Variants in UGT1A7 observed in about 807,000 individuals in gnomAD.
UGT1A7 encodes UDP glucuronosyltransferase family 1 member A7, also known as UDP-glucuronosyltransferase 1A7.
A neutral mutation model predicts 45.6 loss-of-function variants in UGT1A7; 33 were observed. The ratio of observed to expected loss-of-function variants is 0.72; its 90% CI spans 0.55 to 0.97. The LOEUF (loss-of-function observed/expected upper bound fraction) is 0.97, where lower values mean the gene tolerates loss of function less well. UGT1A7 is among the 50% of genes least tolerant of loss of function. The pLI is 0.00. For synonymous variants in UGT1A7, 274 were observed against 250.6 expected (o/e 1.09, Z -0.88); for missense variants, 684 against 666.2 (o/e 1.03, Z -0.29).
At chr2:233,688,613 C>T (rs1301364252) in intron 1 of UGT1A7, among the ~76,000 whole-genome samples, 2 of 152,146 alleles carry the variant, frequency 1.3e-5, no homozygotes, top group African/African-American at 4.8e-5. Context: ...ACACCCTCAG[C>T]AAACATGAGT....
At chr2:233,755,297 A>G in intron 1 of UGT1A7, 2 of 623,206 alleles carry the variant, frequency 3.2e-6, no homozygotes, top group East Asian at 6.1e-5. Context: ...CCTGCGGGGC[A>G]CTGGCACAGC....
Position 233,693,787 on chromosome 2 carries a change from T to G in UGT1A7, c.855+10995T>G, listed in dbSNP as rs202244084. The G allele has an allele frequency of 5.0e-6, 8 of 1,614,234 alleles. No individual in the cohort carries two copies. In the East Asian group the frequency reaches 1.8e-4, roughly 36 times the overall value. ...GGCTGTTAAGATATGACTTTGTGCT[T>G]GAATATCCTAGGCCGGTCATGCCCA... On this transcript the variant is annotated intron_variant, in intron 1 of 4. Coordinates refer to ENST00000373426, the MANE Select transcript of UGT1A7 (RefSeq NM_019077.3).
chr2:233,730,885 G>C (rs948643464), intron 1 of UGT1A7, among the ~76,000 whole-genome samples: 12 of 152,158 alleles, frequency 7.9e-5, no homozygotes, highest in South Asian at 2.1e-4. Flanking sequence ...TTTCTATAGT[G>C]GGATCTACTC....
rs1215128625 is a variant in UGT1A7, at chr2:233,769,761, G to A, written c.1295+1322G>A. ...TCCCAGCCACTCTGGAGGCTAAGGC[G>A]GGAGGATTGCTTGAGCCCAGAAGTT... is the stretch of plus-strand genomic sequence containing the variant. On this transcript the variant is annotated intron_variant, in intron 4 of 4. Transcript: ENST00000373426. This position sits in a 1 kb window ranked among gnomAD's most constrained non-coding sequence, Gnocchi z 4.4. The A allele has an allele frequency of 1.3e-5, 18 of 1,414,110 alleles. No homozygotes were observed. In the South Asian group the frequency reaches 1.6e-4, roughly 12 times the overall value. The allele number at this position is 1,414,110 out of a possible 1,614,324, so 87.6% of individuals were successfully genotyped here. A position where few individuals can be genotyped will look rare whatever the true frequency, so the allele number is the denominator to read the frequency against.
Position 233,767,897 on chromosome 2 carries a change from A to G in UGT1A7, c.1036A>G (p.Thr346Ala). Residue 346 changes from threonine to alanine, a missense_variant, in exon 3 of 5, where the codon ACG becomes GCG. Thr to Ala is a moderately conservative substitution (Grantham distance 58). Transcript: ENST00000373426. ...CCGACCATCGAATCTTGCGAACAAC[A>G]CGATACTTGTTAAGTGGCTACCCCA... is the stretch of plus-strand genomic sequence containing the variant. The part of the protein sequence containing the change: ...GTRPSNLANN[T>A]ILVKWLPQND... The G allele has an allele frequency of 1.9e-6, 3 of 1,614,178 alleles. No homozygotes were observed. Among genetic ancestry groups the G allele is most frequent in the Non-Finnish European group, 1.7e-6 (2 of 1,180,044 alleles).
chr2:233,762,345 C>A (rs964115716), intron 1 of UGT1A7, among the ~76,000 whole-genome samples: 1 of 152,164 alleles, frequency 6.6e-6, no homozygotes, highest in Non-Finnish European at 1.5e-5. Flanking sequence ...CTTTTTAGTT[C>A]TTTGTACTCC....
chr2:233,704,177 C>T lies in UGT1A7; in HGVS notation c.855+21385C>T, dbSNP rs568272633. Among the ~76,000 whole-genome samples the T allele has an allele frequency of 4.6e-5, 7 of 151,930 alleles. No homozygotes were observed. In the South Asian group the frequency reaches 1.0e-3, roughly 23 times the overall value. ...AAGTACTGGGATTACAGGTGTGAGC[C>T]ACTGTGCCTGGCCCCATTTTACTTT... On this transcript the variant is annotated intron_variant, in intron 1 of 4. Transcript: ENST00000373426.
rs202172337 is a variant in UGT1A7, at chr2:233,772,279, T to A, written c.1313T>A (p.Met438Lys). Residue 438 changes from methionine to lysine, a missense_variant, in exon 5 of 5, where the codon ATG (methionine) becomes AAG (lysine). Coordinates refer to ENST00000373426, the MANE Select transcript of UGT1A7 (RefSeq NM_019077.3). ...INDKSYKENIMRLSSLHKDRP... is the reference protein window; with the variant it reads ...INDKSYKENIKRLSSLHKDRP... ...GTGTTTAGTTACAAGGAGAACATCA[T>A]GCGCCTCTCCAGCCTTCACAAGGAC... 1.9e-6 allele frequency: 3 copies of A among 1,614,146 alleles called. No individual in the cohort carries two copies. Among genetic ancestry groups the A allele is most frequent in the African/African-American group, 2.7e-5 (2 of 74,942 alleles).
chr2:233,705,569 G>T (rs1056646360), intron 1 of UGT1A7, among the ~76,000 whole-genome samples: 5 of 152,160 alleles, frequency 3.3e-5, no homozygotes, highest in African/African-American at 1.2e-4. Flanking sequence ...TGTGGCAAGG[G>T]ATAGAAATGG....
chr2:233,698,288 A>C (rs936526047), intron 1 of UGT1A7, among the ~76,000 whole-genome samples: 8 of 152,256 alleles, frequency 5.3e-5, no homozygotes, highest in African/African-American at 1.9e-4. Context: ...CTATGAAAAA[A>C]AATGTGTCTT....
chr2:233,764,256 T>A (rs367961142), intron 1 of UGT1A7, among the ~76,000 whole-genome samples: 39 of 152,260 alleles, frequency 2.6e-4, no homozygotes, highest in African/African-American at 9.4e-4. Context: ...TCAGTTAATA[T>A]GTTGCTTCAC....
intron 1 of UGT1A7, among the ~76,000 whole-genome samples, chr2:233,715,228 A>G (rs554493874): frequency 2.6e-5 from 4 of 152,214 alleles, no homozygotes; most frequent in East Asian, 1.9e-4. Context: ...AATCTGCCCA[A>G]TTCTGTGAAG....
intron 1 of UGT1A7, among the ~76,000 whole-genome samples, chr2:233,711,615 C>A (rs548104109): frequency 1.3e-5 from 2 of 152,312 alleles, no homozygotes; most frequent in Admixed American, 6.5e-5. Context: ...CTCTGGTGGA[C>A]AGCTCCATTC....
chr2:233,761,187 T>C, intron 1 of UGT1A7: 1 of 1,614,214 alleles, frequency 6.2e-7, no homozygotes, highest in Non-Finnish European at 8.5e-7. Context: ...ATGCGTATAT[T>C]CTTTCAGATG....
intron 1 of UGT1A7, chr2:233,692,790 G>A (rs1279360815): frequency 1.5e-6 from 2 of 1,368,172 alleles, no homozygotes; most frequent in Non-Finnish European, 1.9e-6. Context: ...TCAGGTGAAA[G>A]CTGACACGGC....
At chr2:233,705,546 T>C (rs1018965225) in intron 1 of UGT1A7, among the ~76,000 whole-genome samples, 10 of 152,198 alleles carry the variant, frequency 6.6e-5, no homozygotes, top group African/African-American at 2.4e-4. Context: ...GAAGAGCAGC[T>C]GGTGATATTG....
intron 1 of UGT1A7, chr2:233,750,587 G>A (rs1381403597): frequency 6.6e-6 from 1 of 151,948 alleles, no homozygotes; most frequent in East Asian, 1.9e-4. Flanking sequence ...AGGCCTGGAG[G>A]CCTAGGAAGG....
intron 1 of UGT1A7, among the ~76,000 whole-genome samples, chr2:233,687,614 A>T (rs1192201082): frequency 1.3e-5 from 2 of 151,552 alleles, no homozygotes; most frequent in Admixed American, 6.6e-5. Flanking sequence ...AAAAGGAAAG[A>T]AAAAAAGGCT....
Position 233,681,907 on chromosome 2 carries a change from C to G in UGT1A7, c.-31C>G. On this transcript the variant is annotated 5_prime_UTR_variant, in exon 1 of 5. Coordinates refer to ENST00000373426, the MANE Select transcript of UGT1A7 (RefSeq NM_019077.3). The stretch of plus-strand genomic sequence containing the variant: ...TACTATATTATAGGAGCTTAGAATC[C>G]CAGCTGCTGGCTCTGGGCTGAAGTT... 2 of 1,596,872 alleles carry G rather than the reference C, an allele frequency of 1.3e-6. No individual in the cohort carries two copies. Among genetic ancestry groups the G allele is most frequent in the Non-Finnish European group, 1.7e-6 (2 of 1,171,630 alleles).
Sources: gnomAD v4.1 joint callset for allele counts (sites outside exome capture counted in the v4.1 genomes callset) on GRCh38, gnomAD v4.1.1 for gene constraint, Gnocchi (gnomAD v3.1) non-coding constraint, MANE v1.5 for transcripts, NCBI Gene and HGNC (gene_info 2026-07-23, HGNC 2026-07-21) for gene names.